CFAP92: variants seen among roughly 807,000 people sequenced by gnomAD.
CFAP92 encodes uncharacterized protein CFAP92.
A neutral mutation model predicts 106.3 loss-of-function variants in CFAP92; 86 were observed. That is an observed-to-expected ratio of 0.81 (90% CI 0.68 to 0.97). CFAP92 has a LOEUF of 0.97. CFAP92 is among the 50% of genes least tolerant of loss of function. The pLI is 0.00. For missense variants in CFAP92, 1,204 were observed against 1,283.8 expected (o/e 0.94, Z 0.95); for synonymous variants, 477 against 506.4 (o/e 0.94, Z 0.78).
At chr3:128,977,636 A>C (rs1943240843) in intron 5 of CFAP92, among the ~76,000 whole-genome samples, 1 of 152,162 alleles carries the variant, frequency 6.6e-6, no homozygotes, top group Non-Finnish European at 1.5e-5. Flanking sequence ...AGGTGGGTGG[A>C]TCACTTGAGG....
At chr3:128,920,560 T>C (rs1306845134) in intron 12 of CFAP92, among the ~76,000 whole-genome samples, 1 of 152,122 alleles carries the variant, frequency 6.6e-6, no homozygotes, top group African/African-American at 2.4e-5. Context: ...AATTGCAGCT[T>C]GGACACAGTG....
chr3:128,929,603 C>T (rs62265281), intron 12 of CFAP92, among the ~76,000 whole-genome samples: 8,727 of 152,176 alleles, frequency 0.057, 524 homozygotes, highest in African/African-American at 0.15. Flanking sequence ...AAGAACACAC[C>T]GCTGATATAT....
chr3:129,024,983 G>A, the CFAP92 span, among the ~76,000 whole-genome samples: 3 of 152,270 alleles, frequency 2.0e-5, no homozygotes, highest in South Asian at 6.2e-4. Flanking sequence ...GTGGTCAAGT[G>A]GGTGATGGCA....
At chr3:128,995,427 C>T (rs781333512), upstream of CFAP92, among the ~76,000 whole-genome samples, 4 of 152,242 alleles carry the variant, frequency 2.6e-5, no homozygotes, top group Non-Finnish European at 5.9e-5. Context: ...CACACCCCAC[C>T]TGCAGCAGCC....
chr3:128,944,937 T>G, intron 10 of CFAP92, 134 bp downstream of exon 10: 1 of 768,556 alleles, frequency 1.3e-6, no homozygotes, highest in Non-Finnish European at 2.0e-6. Context: ...CCCTGGTAAG[T>G]ACCTCACAAT....
intron 10 of CFAP92, among the ~76,000 whole-genome samples, chr3:128,938,541 T>TG (rs1470750150): frequency 6.7e-6 from 1 of 150,226 alleles, no homozygotes; most frequent in East Asian, 2.0e-4. Flanking sequence ...TCTCCCAGGC[T>TG]GGAGTACAGT....
intron 12 of CFAP92, among the ~76,000 whole-genome samples, chr3:128,924,432 C>CTTTTTTTTT (rs71153151): frequency 1.0e-4 from 7 of 69,824 alleles, no homozygotes; most frequent in Admixed American, 2.0e-4. Flanking sequence ...ACGATTGTAT[C>CTTTTTTTTT]TTTTTTTTTT....
At position 128,945,375 on chromosome 3, in the gene CFAP92, C is replaced by A; in HGVS notation, c.1954G>T (p.Asp652Tyr). The change falls in exon 10 of 16, where the codon GAC becomes TAC. Residue 652 changes from aspartate (D) to tyrosine (Y), a missense_variant. Coordinates refer to ENST00000645291, the MANE Select transcript of CFAP92 (RefSeq NM_001394090.1). ...CGGCCAAACTGGGAGCCCCCAAGGT[C>A]AGGATCAGCAGCTCTGGCCCCGGCC... ...LRAGARAADP[D>Y]LGGSQFGRII... 2 of 1,536,140 alleles carry A rather than the reference C, an allele frequency of 1.3e-6. No homozygotes were observed. The highest frequency in any genetic ancestry group is 1.4e-5 in the African/African-American group (1 of 73,156).
intron 12 of CFAP92, among the ~76,000 whole-genome samples, chr3:128,929,000 G>A (rs1576415537): frequency 6.6e-6 from 1 of 152,196 alleles, no homozygotes; most frequent in African/African-American, 2.4e-5. Context: ...ACTCATAACT[G>A]TAATCCCAGC....
intron 2 of CFAP92, among the ~76,000 whole-genome samples, chr3:128,990,318 G>A (rs1360086543): frequency 1.3e-5 from 2 of 152,188 alleles, no homozygotes; most frequent in Non-Finnish European, 2.9e-5. Flanking sequence ...CCAACATGGC[G>A]AAACCCCGTC....
intron 10 of CFAP92, among the ~76,000 whole-genome samples, chr3:128,943,420 T>C (rs1189041102): frequency 2.0e-5 from 3 of 152,234 alleles, no homozygotes; most frequent in African/African-American, 7.2e-5. Context: ...TCTATGGATT[T>C]GCCGGTTCGG....
At chr3:128,931,050 T>C (rs1938310089) in intron 12 of CFAP92, among the ~76,000 whole-genome samples, 1 of 152,144 alleles carries the variant, frequency 6.6e-6, no homozygotes, top group Admixed American at 6.5e-5. Flanking sequence ...AGATTACAAG[T>C]GTGCACCACG....
intron 10 of CFAP92, 47 bp from the exon 11 acceptor site, chr3:128,935,366 G>A (rs1938885563): frequency 2.3e-6 from 3 of 1,327,662 alleles, no homozygotes; most frequent in South Asian, 1.5e-5. Flanking sequence ...GCAGCTTCCT[G>A]GGACACCGTG....
chr3:128,971,420 A>G lies in CFAP92; in HGVS notation c.1035T>C (p.Asp345=). Residue 345 remains aspartate, a synonymous_variant, in exon 8 of 16, where the codon GAT becomes GAC. Transcript: ENST00000645291. ...TCTGGATTTTCCTTCTTCCCTCTGA[A>G]TCTTTCCCTTTAACTGTGAAATCAA... The part of the protein sequence containing the change: ...DRQRSQIKGK[D]SEGRRKIQRR... The G allele has an allele frequency of 6.2e-7, 1 of 1,608,524 alleles. No individual in the cohort carries two copies. The highest frequency in any genetic ancestry group is 1.7e-5 in the Admixed American group (1 of 58,892).
chr3:128,972,729 T>A (rs1016745776), intron 7 of CFAP92, among the ~76,000 whole-genome samples: 2 of 151,536 alleles, frequency 1.3e-5, no homozygotes, highest in African/African-American at 4.8e-5. Context: ...GTGGCGGGCA[T>A]CTGTAATCCC....
intron 4 of CFAP92, among the ~76,000 whole-genome samples, 167 bp downstream of exon 4, chr3:128,987,449 G>A (rs779337003): frequency 1.2e-4 from 19 of 152,052 alleles, no homozygotes; most frequent in Non-Finnish European, 2.5e-4. Context: ...CCTATGTGGC[G>A]CTTCCTGTCA....
intron 2 of CFAP92, among the ~76,000 whole-genome samples, chr3:128,992,669 G>A (rs1944288593): frequency 1.3e-5 from 2 of 151,998 alleles, no homozygotes; most frequent in Admixed American, 1.3e-4. Flanking sequence ...CCACCTCCGG[G>A]GTTCAAGAGA....
At chr3:128,987,919 T>TCAG in intron 3 of CFAP92, 90 bp from the exon 4 acceptor site, 1 of 1,116,160 alleles carries the variant, frequency 9.0e-7, no homozygotes, top group Non-Finnish European at 1.3e-6. Flanking sequence ...AGCCTGGCCC[T>TCAG]CAGCAGCAGC....
intron 11 of CFAP92, 114 bp from the exon 12 acceptor site, chr3:128,933,111 G>T: frequency 1.0e-6 from 1 of 977,744 alleles, no homozygotes. Flanking sequence ...CTGGTCCCAA[G>T]TCCTGGAGCT....
Sources: allele counts gnomAD v4.1 joint callset (sites outside exome capture counted in the v4.1 genomes callset), GRCh38; gene constraint gnomAD v4.1.1; transcripts MANE v1.5; gene names NCBI Gene and HGNC (gene_info 2026-07-23, HGNC 2026-07-21).